The following EIF4G3 variants were observed in gnomAD, a reference collection of about 807,000 sequenced individuals.
EIF4G3 encodes the protein eukaryotic translation initiation factor 4 gamma 3, also known as eIF-4-gamma 3.
Under a neutral mutation model 186.4 loss-of-function variants are expected in EIF4G3, and 34 were observed. That is an observed-to-expected ratio of 0.18 (90% CI 0.14 to 0.24). EIF4G3 has a LOEUF of 0.24. Among genes scored for constraint, EIF4G3 ranks in the 10% least tolerant of loss-of-function variants. EIF4G3 has a pLI of 1.00. For synonymous variants in EIF4G3, 673 were observed against 679.5 expected (o/e 0.99, Z 0.15); for missense variants, 1,536 against 1,948.5 (o/e 0.79, Z 3.99).
At chr1:20,864,441 C>G (rs901185290) in intron 22 of EIF4G3, 35 bp downstream of exon 22, 2 of 1,494,322 alleles carry the variant, frequency 1.3e-6, no homozygotes, top group African/African-American at 1.4e-5. Flanking sequence ...TGACAAGGAG[C>G]CTTTGCGAAG....
chr1:21,020,993 T>C (rs1382282258), intron 4 of EIF4G3, among the ~76,000 whole-genome samples: 1 of 118,582 alleles, frequency 8.4e-6, no homozygotes, highest in East Asian at 2.1e-4. Flanking sequence ...ATGTATTTAT[T>C]TTAATTTTGA....
intron 4 of EIF4G3, among the ~76,000 whole-genome samples, chr1:21,024,238 G>A (rs1351400077): frequency 2.0e-5 from 3 of 148,798 alleles, no homozygotes; most frequent in African/African-American, 5.0e-5. Flanking sequence ...CCCCCCGCCC[G>A]GCCAGCCGCC....
At chr1:21,044,226 T>A (rs2093744748) in intron 4 of EIF4G3, among the ~76,000 whole-genome samples, 1 of 151,994 alleles carries the variant, frequency 6.6e-6, no homozygotes, top group South Asian at 2.1e-4. Flanking sequence ...AAAAATCTAC[T>A]TTTTTTTAAA....
At chr1:21,012,527 C>A (rs543505647) in intron 4 of EIF4G3, among the ~76,000 whole-genome samples, 1 of 152,168 alleles carries the variant, frequency 6.6e-6, no homozygotes, top group South Asian at 2.1e-4. Flanking sequence ...TCCACATCAC[C>A]CAATGAAAAC....
chr1:20,942,935 A>G (rs1573247476), intron 13 of EIF4G3, among the ~76,000 whole-genome samples: 1 of 152,334 alleles, frequency 6.6e-6, no homozygotes, highest in East Asian at 1.9e-4. Flanking sequence ...ACTGATAAAA[A>G]TCAGTTTCTA....
intron 17 of EIF4G3, 143 bp downstream of exon 17, chr1:20,895,225 G>A: frequency 1.0e-6 from 1 of 1,001,202 alleles, no homozygotes; most frequent in Admixed American, 2.9e-5. Flanking sequence ...AGTGTTTAGG[G>A]AAACAAATTC....
chr1:20,987,424 A>C (rs1035377701), intron 7 of EIF4G3, among the ~76,000 whole-genome samples: 5 of 152,226 alleles, frequency 3.3e-5, no homozygotes, highest in Non-Finnish European at 7.3e-5. Flanking sequence ...ATTCTTTACA[A>C]ATTGAAAGTT....
At chr1:21,116,077 C>G (rs2096816342) in intron 2 of EIF4G3, among the ~76,000 whole-genome samples, 1 of 152,066 alleles carries the variant, frequency 6.6e-6, no homozygotes, top group Non-Finnish European at 1.5e-5. Context: ...CAAACCACTG[C>G]TACTATTATG....
chr1:21,066,404 T>TA (rs2095244559), intron 3 of EIF4G3, among the ~76,000 whole-genome samples: 1 of 151,956 alleles, frequency 6.6e-6, no homozygotes, highest in African/African-American at 2.4e-5. Context: ...ATTAGATATG[T>TA]AAAAAATTAA....
intron 7 of EIF4G3, among the ~76,000 whole-genome samples, chr1:20,985,053 A>ACC (rs2079147976): frequency 6.6e-6 from 1 of 152,204 alleles, no homozygotes; most frequent in Admixed American, 6.5e-5. Flanking sequence ...ATGTACTTTT[A>ACC]ACTGTTACAC....
chr1:20,922,190 C>T (rs2094532910), intron 14 of EIF4G3, among the ~76,000 whole-genome samples: 2 of 152,192 alleles, frequency 1.3e-5, no homozygotes, highest in African/African-American at 4.8e-5. Flanking sequence ...ATCAATTTCT[C>T]TTGACTGAAC....
intron 2 of EIF4G3, among the ~76,000 whole-genome samples, chr1:21,154,108 G>A (rs886414042): frequency 7.2e-5 from 11 of 152,158 alleles, no homozygotes; most frequent in African/African-American, 2.4e-4. Context: ...CAAAATCAGG[G>A]TTATTAGTTT....
At chr1:20,917,274 A>T (rs977648331) in intron 14 of EIF4G3, among the ~76,000 whole-genome samples, 1 of 152,218 alleles carries the variant, frequency 6.6e-6, no homozygotes, top group Non-Finnish European at 1.5e-5. Context: ...AGGCAGGTGG[A>T]TTGCTTAAGC....
chr1:20,855,523 T>C (rs2074618657), intron 25 of EIF4G3, among the ~76,000 whole-genome samples: 1 of 152,152 alleles, frequency 6.6e-6, no homozygotes, highest in African/African-American at 2.4e-5. Context: ...GATGTGAGTA[T>C]TCAATAAAGA....
intron 14 of EIF4G3, among the ~76,000 whole-genome samples, chr1:20,906,811 T>TAC (rs35477773): frequency 0.5 from 74,049 of 149,552 alleles, 19,261 homozygotes; most frequent in East Asian, 0.8. Context: ...AAAAACTGGA[T>TAC]ACACACACAC....
At chr1:20,825,292 T>A (rs1571163079) in intron 32 of EIF4G3, 94 bp from the exon 33 acceptor site, 1 of 946,916 alleles carries the variant, frequency 1.1e-6, no homozygotes, top group Non-Finnish European at 1.5e-6. Flanking sequence ...AGTCAAACAG[T>A]GCAAACCCCA....
chr1:20,954,276 G>A (rs1013917976), intron 12 of EIF4G3, among the ~76,000 whole-genome samples: 5 of 152,054 alleles, frequency 3.3e-5, no homozygotes, highest in South Asian at 2.1e-4. Context: ...GGTGGCTCAC[G>A]CCTCTAATCC....
intron 2 of EIF4G3, among the ~76,000 whole-genome samples, chr1:21,136,391 C>T (rs1308277286): frequency 9.2e-5 from 14 of 151,972 alleles, no homozygotes. Context: ...GTGGTGGATG[C>T]CTGTAATCCC....
intron 3 of EIF4G3, among the ~76,000 whole-genome samples, chr1:21,079,976 C>A (rs1203737289): frequency 6.6e-6 from 1 of 151,690 alleles, no homozygotes; most frequent in East Asian, 1.9e-4. Flanking sequence ...ACATGGTGAA[C>A]CCCGTCACTA....
Sources: allele counts gnomAD v4.1 joint callset (sites outside exome capture counted in the v4.1 genomes callset), GRCh38; gene constraint gnomAD v4.1.1; transcripts MANE v1.5; gene names NCBI Gene and HGNC (gene_info 2026-07-23, HGNC 2026-07-21).